SLC9A9: variants seen among roughly 807,000 people sequenced by gnomAD.
SLC9A9 encodes the protein solute carrier family 9 member A9.
Under a neutral mutation model 77.8 loss-of-function variants are expected in SLC9A9, and 62 were observed. The observed-to-expected ratio is 0.80, with a 90% CI of 0.65 to 0.98. The LOEUF (loss-of-function observed/expected upper bound fraction) is 0.98. Ranked by LOEUF, SLC9A9 falls within the 50% of genes least tolerant of loss-of-function variation. SLC9A9 has a pLI of 0.00. For missense variants in SLC9A9, 775 were observed against 774.9 expected, an observed-to-expected ratio of 1.00 and a Z score of 0.00; for synonymous variants, 320 against 283.5, an observed-to-expected ratio of 1.13 and a Z score of -1.29.
At chr3:143,566,324 A>C (rs2037167670) in intron 8 of SLC9A9, among the ~76,000 whole-genome samples, 1 of 152,146 alleles carries the variant, frequency 6.6e-6, no homozygotes, top group Non-Finnish European at 1.5e-5. Flanking sequence ...ATAGGAGAAC[A>C]GGCTTAGGGG....
chr3:143,383,837 G>C (rs951714805), intron 12 of SLC9A9, among the ~76,000 whole-genome samples: 1 of 152,276 alleles, frequency 6.6e-6, no homozygotes, highest in South Asian at 2.1e-4. Context: ...CTGTTGGGGT[G>C]GGGGAAGCAA....
chr3:143,450,422 A>G (rs774316083), intron 12 of SLC9A9, among the ~76,000 whole-genome samples: 5 of 151,798 alleles, frequency 3.3e-5, no homozygotes, highest in South Asian at 2.1e-4. Flanking sequence ...TCTGAATTTT[A>G]CAGAGCCAAT....
At chr3:143,512,945 A>T (rs946653880) in intron 9 of SLC9A9, among the ~76,000 whole-genome samples, 2 of 152,220 alleles carry the variant, frequency 1.3e-5, no homozygotes, top group African/African-American at 4.8e-5. Context: ...CTTTATTACT[A>T]AAAAATGCTA....
chr3:143,610,650 T>C (rs2038009066), intron 6 of SLC9A9, among the ~76,000 whole-genome samples: 1 of 152,208 alleles, frequency 6.6e-6, no homozygotes. Context: ...GATGCAGCCC[T>C]GACTACAGGT....
intron 6 of SLC9A9, among the ~76,000 whole-genome samples, chr3:143,626,451 T>C (rs1409093156): frequency 6.6e-6 from 1 of 152,104 alleles, no homozygotes; most frequent in African/African-American, 2.4e-5. Flanking sequence ...AAATGATGAG[T>C]TCATATCCTT....
intron 4 of SLC9A9, among the ~76,000 whole-genome samples, chr3:143,711,467 G>T (rs1250628534): frequency 2.6e-5 from 4 of 151,936 alleles, no homozygotes; most frequent in Admixed American, 2.0e-4. Context: ...GCTGGAGTGC[G>T]GTGGTGCTCG....
Position 143,665,807 on chromosome 3 carries a change from C to G in SLC9A9, c.650-13447G>C, listed in dbSNP as rs550117205. ...GAAGAAGTTGAATCCATGAATAGAC[C>G]AATAACAGGCTCTAAAATTGAGGCA... On this transcript the variant is annotated intron_variant, in intron 5 of 15. Coordinates refer to ENST00000316549, the MANE Select transcript of SLC9A9 (RefSeq NM_173653.4). Among the ~76,000 whole-genome samples the G allele has an allele frequency of 1.3e-5, 2 of 152,092 alleles. 1 individual carries two copies. The highest frequency in any genetic ancestry group is 4.1e-4 in the South Asian group (2 of 4,820).
chr3:143,558,525 A>G lies in SLC9A9; in HGVS notation c.1001-6075T>C, dbSNP rs189812424. On this transcript the variant is annotated intron_variant, in intron 8 of 15. Coordinates refer to ENST00000316549, the MANE Select transcript of SLC9A9 (RefSeq NM_173653.4). ...GGAGCCCAAGTCTTACATCAGCATG[A>G]CATGGATGTGAAATGTGGAGTCAAA... Among the ~76,000 whole-genome samples the G allele has an allele frequency of 1.3e-3, 196 of 152,304 alleles. 2 individuals are homozygous for G. Among genetic ancestry groups the G allele is most frequent in the African/African-American group, 4.7e-3 (195 of 41,560 alleles).
chr3:143,392,536 C>T (rs1238022056), intron 12 of SLC9A9, among the ~76,000 whole-genome samples: 4 of 139,606 alleles, frequency 2.9e-5, no homozygotes, highest in Non-Finnish European at 6.5e-5. Flanking sequence ...GAAGAAACTG[C>T]ATCAACTAAC....
intron 9 of SLC9A9, chr3:143,503,643 A>G: frequency 2.2e-6 from 1 of 449,054 alleles, no homozygotes; most frequent in Non-Finnish European, 4.5e-6. Context: ...TGGCAGTGCC[A>G]GGAGATGCAG....
At chr3:143,450,529 G>GT (rs2034987939) in intron 12 of SLC9A9, among the ~76,000 whole-genome samples, 1 of 151,742 alleles carries the variant, frequency 6.6e-6, no homozygotes, top group Non-Finnish European at 1.5e-5. Context: ...TAATTTTCTG[G>GT]TTTTCTCATT....
At chr3:143,370,567 G>GCGCGCACACACA (rs373398536) in intron 13 of SLC9A9, among the ~76,000 whole-genome samples, 43 of 143,418 alleles carry the variant, frequency 3.0e-4, no homozygotes, top group East Asian at 2.3e-3. Flanking sequence ...GCATGTGCGC[G>GCGCGCACACACA]CACACACACA....
chr3:143,803,084 A>G (rs1053310614), intron 2 of SLC9A9, among the ~76,000 whole-genome samples: 2 of 152,106 alleles, frequency 1.3e-5, no homozygotes, highest in Non-Finnish European at 2.9e-5. Context: ...TACAACCTCG[A>G]TGGACTGGAC....
intron 5 of SLC9A9, among the ~76,000 whole-genome samples, chr3:143,670,130 T>C (rs1576648153): frequency 1.3e-5 from 2 of 152,234 alleles, no homozygotes; most frequent in South Asian, 2.1e-4. Context: ...ACAGTTCCTA[T>C]TCTGTGTCCA....
At chr3:143,472,878 A>G (rs1318257207) in intron 11 of SLC9A9, among the ~76,000 whole-genome samples, 1 of 152,162 alleles carries the variant, frequency 6.6e-6, no homozygotes, top group African/African-American at 2.4e-5. Context: ...TTAAAACCTT[A>G]TTTTGAGAGT....
At chr3:143,732,603 C>T (rs1272591358) in intron 4 of SLC9A9, among the ~76,000 whole-genome samples, 1 of 152,208 alleles carries the variant, frequency 6.6e-6, no homozygotes, top group East Asian at 1.9e-4. Flanking sequence ...ACCACTCTGA[C>T]TTTAACGTCT....
chr3:143,771,775 C>T (rs2007526108), intron 4 of SLC9A9, among the ~76,000 whole-genome samples: 1 of 152,200 alleles, frequency 6.6e-6, no homozygotes, highest in Non-Finnish European at 1.5e-5. Flanking sequence ...CTCCCAGGCT[C>T]TTTTCTCCTC....
chr3:143,724,243 C>T lies in SLC9A9; in HGVS notation c.534-30936G>A, dbSNP rs141551182. Reference sequence around the variant, plus strand: ...GATCTGATGGTTTAAAAGGGTATGGCACTCCCTCATTCACACGCTCTCTCT... The same window carrying T: ...GATCTGATGGTTTAAAAGGGTATGGTACTCCCTCATTCACACGCTCTCTCT... On this transcript the variant is annotated intron_variant, in intron 4 of 15. Transcript: ENST00000316549. 3.5e-4 allele frequency among the ~76,000 whole-genome samples: 53 copies of T among 152,276 alleles called. 2 individuals carry two copies. The highest frequency in any genetic ancestry group is 6.8e-3 in the Middle Eastern group (2 of 294).
intron 9 of SLC9A9, among the ~76,000 whole-genome samples, chr3:143,496,477 A>C (rs995200089): frequency 1.2e-4 from 18 of 152,220 alleles, no homozygotes; most frequent in African/African-American, 4.1e-4. Context: ...AATAATGCCC[A>C]ATACTGTTCA....
Sources: allele counts gnomAD v4.1 joint callset (sites outside exome capture counted in the v4.1 genomes callset), GRCh38; gene constraint gnomAD v4.1.1; transcripts MANE v1.5; gene names NCBI Gene and HGNC (gene_info 2026-07-23, HGNC 2026-07-21).